Variants in DIAPH2 observed in about 807,000 individuals in gnomAD.
The protein encoded by DIAPH2 is protein diaphanous homolog 2.
A neutral mutation model predicts 92.7 loss-of-function variants in DIAPH2; 35 were observed. The observed-to-expected ratio is 0.38, with a 90% confidence interval of 0.29 to 0.50. The LOEUF (loss-of-function observed/expected upper bound fraction) is 0.50, where lower values mean the gene tolerates loss of function less well. Ranked by LOEUF, DIAPH2 falls within the 20% of genes least tolerant of loss-of-function variation. The probability of loss-of-function intolerance (pLI) is 0.94; values close to 1 mark genes in which losing one functional copy is unlikely to be tolerated. For synonymous variants in DIAPH2, 301 were observed against 280.4 expected, an observed-to-expected ratio of 1.07 and a Z score of -0.73; for missense variants, 701 against 819.5, an observed-to-expected ratio of 0.86 and a Z score of 1.77.
At position 96,703,344 on chromosome X, in the gene DIAPH2, T is replaced by C. The variant is rs183584123; in HGVS notation, c.132+18154T>C. On this transcript the variant is annotated intron_variant, in intron 1 of 26. Coordinates refer to ENST00000324765, the MANE Select transcript of DIAPH2 (RefSeq NM_006729.5). Reference sequence around the variant, plus strand: ...CAAACTTTCTGGTAATTGGCCTGTTTGTAGTATAAATATAAAGATATTTAT... The same window carrying C: ...CAAACTTTCTGGTAATTGGCCTGTTCGTAGTATAAATATAAAGATATTTAT... Among the ~76,000 whole-genome samples, 290 of 112,251 alleles carry C rather than the reference T, an allele frequency of 2.6e-3. 2 individuals carry two copies. The highest frequency in any genetic ancestry group is 8.8e-3 in the African/African-American group (273 of 30,931).
intron 4 of DIAPH2, chrX:96,763,229 C>T: frequency 2.1e-6 from 1 of 485,954 alleles, no homozygotes; most frequent in Non-Finnish European, 2.9e-6. Context: ...ATATATTTTA[C>T]CAAAGCAATG....
chrX:96,927,068 C>T (rs756597970), intron 9 of DIAPH2, among the ~76,000 whole-genome samples: 18 of 110,848 alleles, frequency 1.6e-4, no homozygotes, highest in African/African-American at 5.6e-4. Flanking sequence ...AAGATTTGTG[C>T]GATATAATGT....
intron 5 of DIAPH2, among the ~76,000 whole-genome samples, chrX:96,905,556 G>C (rs956127891): frequency 8.1e-5 from 9 of 111,378 alleles, no homozygotes; most frequent in African/African-American, 2.6e-4. Flanking sequence ...TGAATCTTCT[G>C]ATACCTTCAT....
At chrX:96,780,409 C>T (rs896341563) in intron 4 of DIAPH2, among the ~76,000 whole-genome samples, 8 of 111,353 alleles carry the variant, frequency 7.2e-5, no homozygotes, top group African/African-American at 2.0e-4. Flanking sequence ...TGTGTGTGTG[C>T]GTGACACTTT....
chrX:97,156,435 A>G (rs1379017643), intron 22 of DIAPH2, among the ~76,000 whole-genome samples: 1 of 112,529 alleles, frequency 8.9e-6, no homozygotes, highest in African/African-American at 3.2e-5. Flanking sequence ...CATAGAATTA[A>G]CCTCCAGAAA....
chrX:96,916,719 GT>G, intron 8 of DIAPH2, 145 bp downstream of exon 8: 1 of 622,008 alleles, frequency 1.6e-6, no homozygotes, highest in Non-Finnish European at 2.3e-6. Context: ...TATCTTGCCT[GT>G]TTATATTTTG....
chrX:97,462,226 A>G (rs1259924032), intron 26 of DIAPH2, among the ~76,000 whole-genome samples: 2 of 111,815 alleles, frequency 1.8e-5, no homozygotes. Flanking sequence ...GTGCAACAGG[A>G]TAAATCTGAT....
At chrX:97,293,947 C>G (rs1415252558) in intron 23 of DIAPH2, among the ~76,000 whole-genome samples, 1 of 111,970 alleles carries the variant, frequency 8.9e-6, no homozygotes, top group Non-Finnish European at 1.9e-5. Context: ...TTCGAAGTAT[C>G]AAGTAAAATT....
At chrX:97,290,175 A>G (rs1052342684) in intron 23 of DIAPH2, among the ~76,000 whole-genome samples, 4 of 109,661 alleles carry the variant, frequency 3.6e-5, no homozygotes, top group Non-Finnish European at 7.6e-5. Context: ...GGAAAATGCA[A>G]TAGAATTCTG....
intron 26 of DIAPH2, among the ~76,000 whole-genome samples, chrX:97,565,312 T>C (rs1355853448): frequency 8.9e-6 from 1 of 112,315 alleles, no homozygotes; most frequent in Non-Finnish European, 1.9e-5. Flanking sequence ...CTTTTAAGAA[T>C]GATTGACGCA....
chrX:96,777,060 G>T (rs2064382052), intron 4 of DIAPH2, among the ~76,000 whole-genome samples: 1 of 111,656 alleles, frequency 9.0e-6, no homozygotes. Context: ...GATAATTTTG[G>T]TAGATGATAG....
chrX:97,557,565 A>G (rs1204858570), intron 26 of DIAPH2, among the ~76,000 whole-genome samples: 1 of 112,127 alleles, frequency 8.9e-6, no homozygotes, highest in Non-Finnish European at 1.9e-5. Flanking sequence ...TGTCTCTGCC[A>G]AGACTCTTGG....
chrX:97,582,447 T>C (rs1354110620), intron 26 of DIAPH2, among the ~76,000 whole-genome samples: 5 of 106,860 alleles, frequency 4.7e-5, no homozygotes, highest in Middle Eastern at 4.7e-3. Flanking sequence ...TTTGGCTGGA[T>C]ATGAAATTCT....
At chrX:97,483,874 C>T (rs1205402694) in intron 26 of DIAPH2, among the ~76,000 whole-genome samples, 1 of 111,503 alleles carries the variant, frequency 9.0e-6, no homozygotes, top group Non-Finnish European at 1.9e-5. Flanking sequence ...CAACCAAAAC[C>T]CTCAAATGTA....
chrX:97,162,116 G>A lies in DIAPH2; in HGVS notation c.2719+20322G>A, dbSNP rs1318936271. On this transcript the variant is annotated intron_variant, in intron 22 of 26. Coordinates refer to ENST00000324765, the MANE Select transcript of DIAPH2 (RefSeq NM_006729.5). Reference sequence around the variant, plus strand: ...ATTACCTTAATATTATCAATTTCTTGAGAATTATCTTCCAATGCACTAATT... The same window carrying A: ...ATTACCTTAATATTATCAATTTCTTAAGAATTATCTTCCAATGCACTAATT... Among the ~76,000 whole-genome samples, 3 of 110,036 alleles carry A rather than the reference G, an allele frequency of 2.7e-5. No homozygotes were observed. The East Asian group carries it at 8.5e-4, about 31-fold the overall frequency.
At chrX:97,404,290 T>G (rs2069787402) in intron 25 of DIAPH2, among the ~76,000 whole-genome samples, 1 of 111,991 alleles carries the variant, frequency 8.9e-6, no homozygotes, top group Admixed American at 9.5e-5. Context: ...ATTCCTTTAC[T>G]TCAGTGAAAG....
intron 24 of DIAPH2, among the ~76,000 whole-genome samples, chrX:97,362,990 G>T (rs1027280452): frequency 1.8e-5 from 2 of 112,407 alleles, no homozygotes; most frequent in African/African-American, 6.5e-5. Context: ...ACAGTTAGAT[G>T]ATTTTTATAC....
At chrX:97,537,580 A>T (rs1418806269) in intron 26 of DIAPH2, among the ~76,000 whole-genome samples, 1 of 111,548 alleles carries the variant, frequency 9.0e-6, no homozygotes, top group African/African-American at 3.3e-5. Context: ...CTAACAATAG[A>T]AGGAGAAATT....
chrX:96,782,159 GCA>G (rs978358392), intron 4 of DIAPH2, among the ~76,000 whole-genome samples: 1 of 112,168 alleles, frequency 8.9e-6, no homozygotes, highest in African/African-American at 3.2e-5. Flanking sequence ...GAGTGCAATG[GCA>G]CAGTCTTGGT....
Sources: allele counts gnomAD v4.1 joint callset (sites outside exome capture counted in the v4.1 genomes callset), GRCh38; gene constraint gnomAD v4.1.1; transcripts MANE v1.5; gene names NCBI Gene and HGNC (gene_info 2026-07-23, HGNC 2026-07-21).